STON2: variants seen among roughly 807,000 people sequenced by gnomAD.
STON2 encodes the protein stonin-2.
STON2 carries 29 observed loss-of-function variants against 65.7 expected under a neutral mutation model. The observed-to-expected ratio is 0.44, with a 90% confidence interval of 0.33 to 0.60. The LOEUF (loss-of-function observed/expected upper bound fraction) is 0.60, where lower values mean the gene tolerates loss of function less well. STON2 is among the 20% of genes least tolerant of loss of function. The probability of loss-of-function intolerance (pLI) is 0.03; values close to 1 mark genes in which losing one functional copy is unlikely to be tolerated. For synonymous variants in STON2, 404 were observed against 414.2 expected, an observed-to-expected ratio of 0.98 and a Z score of 0.30; for missense variants, 1,054 against 1,118.1, an observed-to-expected ratio of 0.94 and a Z score of 0.82.
chr14:81,392,730 T>C (rs939688280), intron 3 of STON2, among the ~76,000 whole-genome samples: 1 of 152,222 alleles, frequency 6.6e-6, no homozygotes, highest in African/African-American at 2.4e-5. Flanking sequence ...CAATTTGATA[T>C]GGAGCAAAAG....
Position 81,278,634 on chromosome 14 carries a change from G to A in STON2, c.848C>T (p.Ser283Phe). 1 of 1,574,118 alleles carries A rather than the reference G, an allele frequency of 6.4e-7. No homozygotes were observed. Among genetic ancestry groups the A allele is most frequent in the Non-Finnish European group, 8.6e-7 (1 of 1,158,674 alleles). ...MNGHPAPPVT[S>F]ARFPSWVTFD... ...GGTGACCCAGCTGGGAAAACGAGCA[G>A]AGGTCACTGGAGGGGCAGGGTGCCC... is the stretch of plus-strand genomic sequence containing the variant. The change falls in exon 6 of 8, where the codon TCT (serine) becomes TTT (phenylalanine). Residue 283 changes from serine to phenylalanine, a missense_variant. Transcript: ENST00000614646.
chr14:81,299,368 G>A (rs1013469941), intron 5 of STON2, among the ~76,000 whole-genome samples: 1 of 152,180 alleles, frequency 6.6e-6, no homozygotes, highest in Admixed American at 6.5e-5. Flanking sequence ...TCCTCAACCT[G>A]ATAAAGGGCA....
At chr14:81,384,955 C>T (rs1899721730) in intron 3 of STON2, among the ~76,000 whole-genome samples, 1 of 152,278 alleles carries the variant, frequency 6.6e-6, no homozygotes, top group Admixed American at 6.5e-5. Context: ...CAGTATGAAG[C>T]AGCTACTGCT....
At chr14:81,337,388 A>C (rs1595367688) in intron 4 of STON2, among the ~76,000 whole-genome samples, 1 of 152,218 alleles carries the variant, frequency 6.6e-6, no homozygotes, top group East Asian at 1.9e-4. Flanking sequence ...CGCCAATGAC[A>C]ACAGAAAGTC....
intron 5 of STON2, among the ~76,000 whole-genome samples, chr14:81,309,954 A>G (rs1302382003): frequency 3.3e-5 from 5 of 152,194 alleles, no homozygotes; most frequent in Admixed American, 3.3e-4. Flanking sequence ...TCAAGAGATC[A>G]TATATGCAGG....
At chr14:81,379,308 A>G (rs578200063) in intron 3 of STON2, among the ~76,000 whole-genome samples, 3 of 152,320 alleles carry the variant, frequency 2.0e-5, no homozygotes, top group African/African-American at 7.2e-5. Flanking sequence ...ATGTAGTATC[A>G]AACCTAACAA....
intron 4 of STON2, among the ~76,000 whole-genome samples, chr14:81,332,797 A>G (rs1897255742): frequency 6.6e-6 from 1 of 152,208 alleles, no homozygotes; most frequent in Non-Finnish European, 1.5e-5. Flanking sequence ...TCCATTAAGC[A>G]TATTTATTAT....
chr14:81,396,333 G>A (rs754887180), intron 2 of STON2, among the ~76,000 whole-genome samples, 155 bp from the exon 3 acceptor site: 4 of 152,212 alleles, frequency 2.6e-5, no homozygotes, highest in African/African-American at 4.8e-5. Context: ...CTGACTGCAT[G>A]TTAAATGACT....
intron 2 of STON2, among the ~76,000 whole-genome samples, chr14:81,410,999 T>A (rs1295387734): frequency 6.6e-6 from 1 of 152,250 alleles, no homozygotes; most frequent in Non-Finnish European, 1.5e-5. Context: ...TACATGGGTA[T>A]TCTCTCGCCA....
In STON2 at chr14:81,267,244, GT is replaced by G; in HGVS notation, c.*1169del. On this transcript the variant is annotated 3_prime_UTR_variant, in exon 8 of 8. Transcript: ENST00000614646. ...TGAAGAAAAAGAAGATGGAGTGAGC[GT>G]TCTGACTCTTGGAATCAGAATATAA... 1 of 985,314 alleles carries G rather than the reference GT, an allele frequency of 1.0e-6. No homozygotes were observed. The highest frequency in any genetic ancestry group is 1.2e-6 in the Non-Finnish European group (1 of 829,882). 61.0% of individuals were successfully genotyped at this position (985,314 alleles called of 1,614,324 possible).
chr14:81,352,048 T>C (rs1419514019), intron 4 of STON2, among the ~76,000 whole-genome samples: 2 of 152,176 alleles, frequency 1.3e-5, no homozygotes, highest in African/African-American at 4.8e-5. Context: ...TTAAAATACT[T>C]ATCTAATATT....
chr14:81,384,917 T>C (rs780625311), intron 3 of STON2, among the ~76,000 whole-genome samples: 9 of 152,228 alleles, frequency 5.9e-5, no homozygotes, highest in Non-Finnish European at 1.0e-4. Context: ...TTCTTTTATC[T>C]GTGGCTCCTC....
At chr14:81,320,717 C>T (rs1896794260) in intron 5 of STON2, among the ~76,000 whole-genome samples, 1 of 152,038 alleles carries the variant, frequency 6.6e-6, no homozygotes, top group African/African-American at 2.4e-5. Context: ...GACTGGATGA[C>T]ACTCCCCTCT....
intron 1 of STON2, among the ~76,000 whole-genome samples, chr14:81,399,021 A>C (rs1425493505): frequency 6.6e-6 from 1 of 152,238 alleles, no homozygotes; most frequent in African/African-American, 2.4e-5. Context: ...ACCTGATTTA[A>C]ATCTCTGGCA....
Position 81,264,928 on chromosome 14 carries a change from C to T in STON2, c.*3486G>A. ...ATTTCTTATCTTTTTGCTGTAAAGTCAAAAAGCAGGCCCTAGACTCAAAAG... is the reference window on the plus strand; with the variant it reads ...ATTTCTTATCTTTTTGCTGTAAAGTTAAAAAGCAGGCCCTAGACTCAAAAG... On this transcript the variant is annotated 3_prime_UTR_variant, in exon 8 of 8. Coordinates refer to ENST00000614646, the MANE Select transcript of STON2 (RefSeq NM_001394390.1). 1.0e-6 allele frequency: 1 copy of T among 985,278 alleles called. No individual in the cohort carries two copies. 61.0% of individuals were successfully genotyped at this position (985,278 alleles called of 1,614,324 possible).
chr14:81,391,757 C>T (rs1900089350), intron 3 of STON2, among the ~76,000 whole-genome samples: 2 of 152,162 alleles, frequency 1.3e-5, no homozygotes, highest in Admixed American at 1.3e-4. Flanking sequence ...GTGGGGCTGG[C>T]CCTCCACATG....
At chr14:81,416,225 T>C (rs1161944660) in intron 2 of STON2, among the ~76,000 whole-genome samples, 1 of 152,158 alleles carries the variant, frequency 6.6e-6, no homozygotes, top group African/African-American at 2.4e-5. Context: ...TAATAAGCGC[T>C]CAGTCAATGC....
At position 81,263,448 on chromosome 14, in the gene STON2, G is replaced by C. The variant is rs1404078222; in HGVS notation, c.*4966C>G. On this transcript the variant is annotated 3_prime_UTR_variant, in exon 8 of 8. Coordinates refer to ENST00000614646, the MANE Select transcript of STON2 (RefSeq NM_001394390.1). ...AGCTACTCGGGAGGTTGAGGCAGGA[G>C]AATCACTTGAACCCGGGAGGCGGAG... 7.4e-6 allele frequency among the ~76,000 whole-genome samples: 1 copy of C among 135,348 alleles called. No homozygotes were observed. Among genetic ancestry groups the C allele is most frequent in the African/African-American group, 2.7e-5 (1 of 37,274 alleles). The allele number at this position is 135,348 out of a possible 152,430, so 88.8% of individuals were successfully genotyped here.
intron 3 of STON2, among the ~76,000 whole-genome samples, chr14:81,378,372 T>C (rs1353162719): frequency 2.6e-5 from 4 of 152,060 alleles, no homozygotes; most frequent in Admixed American, 1.3e-4. Flanking sequence ...CACACCACTA[T>C]GCCTAGTTAG....
Sources: gnomAD v4.1 joint callset for allele counts (sites outside exome capture counted in the v4.1 genomes callset) on GRCh38, gnomAD v4.1.1 for gene constraint, MANE v1.5 for transcripts, NCBI Gene and HGNC (gene_info 2026-07-23, HGNC 2026-07-21) for gene names.